The following OR56A3 variants were observed in gnomAD, a reference collection of about 807,000 sequenced individuals.
OR56A3 encodes the protein olfactory receptor 56A3.
OR56A3 carries 23 observed loss-of-function variants against 17.5 expected under a neutral mutation model. The ratio of observed to expected loss-of-function variants is 1.32; its 90% CI spans 0.95 to 1.87. The LOEUF is 1.87. Ranked by LOEUF, OR56A3 falls within the 40% of genes most tolerant of loss-of-function variation. The probability of loss-of-function intolerance (pLI) is 0.00; values close to 1 mark genes in which losing one functional copy is unlikely to be tolerated. For synonymous variants in OR56A3, 175 were observed against 150.6 expected (o/e 1.16, Z -1.19); for missense variants, 366 against 380.1 (o/e 0.96, Z 0.31).
At chr11:6,002,786 G>A in the OR56A3 span, 6 of 1,613,774 alleles carry the variant, frequency 3.7e-6, no homozygotes, top group Admixed American at 8.3e-5. Flanking sequence ...CCAGCAGGGA[G>A]AGGAGGCTGA....
the OR56A3 span, among the ~76,000 whole-genome samples, chr11:6,011,288 G>A: frequency 6.6e-6 from 1 of 151,384 alleles, no homozygotes. Flanking sequence ...TGAAAAGGAA[G>A]TCAGGAATGC....
the OR56A3 span, among the ~76,000 whole-genome samples, chr11:6,015,058 T>C: frequency 1.9e-5 from 2 of 107,314 alleles, no homozygotes; most frequent in Non-Finnish European, 3.8e-5. Flanking sequence ...AAGCAGAGCA[T>C]AAAAGTTTGA....
At chr11:5,995,292 C>G in the OR56A3 span, among the ~76,000 whole-genome samples, 19 of 152,232 alleles carry the variant, frequency 1.2e-4, no homozygotes, top group Non-Finnish European at 2.4e-4. Context: ...TCTTCAAAAT[C>G]AGATGTGCAC....
the OR56A3 span, among the ~76,000 whole-genome samples, chr11:5,957,052 G>A: frequency 1.3e-5 from 2 of 152,190 alleles, no homozygotes; most frequent in Non-Finnish European, 2.9e-5. Flanking sequence ...TACTCAGGAG[G>A]TTGAGGCAGG....
the OR56A3 span, among the ~76,000 whole-genome samples, chr11:5,958,921 G>C: frequency 6.6e-6 from 1 of 152,150 alleles, no homozygotes; most frequent in South Asian, 2.1e-4. Flanking sequence ...TTAACATAAT[G>C]CCTTCCAGGC....
At chr11:5,944,356 C>A (rs1032177160) in intron 1 of OR56A3, among the ~76,000 whole-genome samples, 2 of 152,032 alleles carry the variant, frequency 1.3e-5, no homozygotes, top group African/African-American at 4.8e-5. Context: ...GGAATTGGAG[C>A]CTATGAGCTG....
the OR56A3 span, among the ~76,000 whole-genome samples, chr11:6,010,767 C>G: frequency 1.3e-5 from 2 of 151,904 alleles, no homozygotes; most frequent in Non-Finnish European, 2.9e-5. Context: ...TCAAATCATA[C>G]CTATCTGAGG....
chr11:5,993,806 C>G, the OR56A3 span: 1 of 276,278 alleles, frequency 3.6e-6, no homozygotes, highest in Non-Finnish European at 7.1e-6. Context: ...ATGTAACCAA[C>G]ATTTTTTTTA....
At chr11:6,021,920 C>T in the OR56A3 span, 7 of 152,140 alleles carry the variant, frequency 4.6e-5, no homozygotes, top group Admixed American at 4.6e-4. Flanking sequence ...CACTTCATTT[C>T]CAGTTGGAAA....
the OR56A3 span, chr11:6,002,173 C>A: frequency 6.2e-7 from 1 of 1,614,180 alleles, no homozygotes; most frequent in South Asian, 1.1e-5. Flanking sequence ...ATGGGGACAT[C>A]TGGAGGAATT....
chr11:6,006,491 G>A, the OR56A3 span: 1 of 152,208 alleles, frequency 6.6e-6, no homozygotes, highest in Admixed American at 6.5e-5. Context: ...GTCATTAACA[G>A]TCTGGAAAAG....
At chr11:5,986,897 T>G in the OR56A3 span, 1 of 1,613,382 alleles carries the variant, frequency 6.2e-7, no homozygotes. Context: ...ATCAATGGCT[T>G]GGAGAGGAAA....
At chr11:6,000,383 T>A in the OR56A3 span, 2 of 152,106 alleles carry the variant, frequency 1.3e-5, no homozygotes, top group Non-Finnish European at 2.9e-5. Context: ...AAACACCGCA[T>A]TTTCTCACTC....
At chr11:6,012,385 CCT>C in the OR56A3 span, among the ~76,000 whole-genome samples, 7 of 152,148 alleles carry the variant, frequency 4.6e-5, no homozygotes, top group African/African-American at 1.7e-4. Flanking sequence ...GAAAGTAGTT[CCT>C]CTCTGCACCT....
At chr11:6,011,068 A>G in the OR56A3 span, among the ~76,000 whole-genome samples, 106,985 of 151,878 alleles carry the variant, frequency 0.7, 37,963 homozygotes, top group East Asian at 0.94. Flanking sequence ...CCTTTGTGTA[A>G]AAACTAATAA....
At chr11:5,986,761 A>G in the OR56A3 span, 1 of 1,614,000 alleles carries the variant, frequency 6.2e-7, no homozygotes. Flanking sequence ...ATTGCCCACT[A>G]AAGCAAGGAG....
At chr11:5,960,366 T>C in the OR56A3 span, among the ~76,000 whole-genome samples, 1 of 152,068 alleles carries the variant, frequency 6.6e-6, no homozygotes, top group Admixed American at 6.5e-5. Context: ...CCTGCCTGAT[T>C]CTCCTGCCTC....
intron 1 of OR56A3, among the ~76,000 whole-genome samples, chr11:5,942,828 A>G (rs1029603395): frequency 1.3e-5 from 2 of 152,266 alleles, no homozygotes; most frequent in African/African-American, 4.8e-5. Flanking sequence ...GGTATCTTAC[A>G]GGCCTGCCTG....
chr11:5,960,679 A>T, the OR56A3 span, among the ~76,000 whole-genome samples: 4 of 150,926 alleles, frequency 2.7e-5, no homozygotes, highest in African/African-American at 7.3e-5. Context: ...CCCGGCCGCC[A>T]CCCCGTCTAG....
Sources: allele counts gnomAD v4.1 joint callset (sites outside exome capture counted in the v4.1 genomes callset), GRCh38; gene constraint gnomAD v4.1.1; transcripts MANE v1.5; gene names NCBI Gene and HGNC (gene_info 2026-07-23, HGNC 2026-07-21).